POU6F2: variants seen among roughly 807,000 people sequenced by gnomAD.
The protein encoded by POU6F2 is POU domain, class 6, transcription factor 2.
Under a neutral mutation model 71.3 loss-of-function variants are expected in POU6F2, and 31 were observed. That is an observed-to-expected ratio of 0.43 (90% confidence interval 0.33 to 0.59). The LOEUF is 0.59. Among genes scored for constraint, POU6F2 ranks in the 20% least tolerant of loss-of-function variants. The pLI is 0.04. For missense variants in POU6F2, 783 were observed against 856.8 expected (o/e 0.91, Z 1.07); for synonymous variants, 347 against 355.7 (o/e 0.98, Z 0.27).
chr7:39,060,942 T>A (rs1324829183), intron 1 of POU6F2, among the ~76,000 whole-genome samples: 3 of 149,506 alleles, frequency 2.0e-5, no homozygotes, highest in Non-Finnish European at 4.4e-5. Flanking sequence ...ATAGACACCA[T>A]CACTAAGCTT....
intron 4 of POU6F2, among the ~76,000 whole-genome samples, chr7:39,278,689 C>T (rs1784505917): frequency 6.6e-6 from 1 of 152,130 alleles, no homozygotes; most frequent in African/African-American, 2.4e-5. Context: ...TCAAGAAAGC[C>T]CCTGTAGCCA....
At chr7:39,129,974 GGA>G (rs369321402) in intron 2 of POU6F2, among the ~76,000 whole-genome samples, 3 of 151,216 alleles carry the variant, frequency 2.0e-5, no homozygotes, top group African/African-American at 7.3e-5. Flanking sequence ...GGCTGAGGCA[GGA>G]GAATGGCATG....
chr7:39,439,074 C>T (rs1475714573), intron 7 of POU6F2, among the ~76,000 whole-genome samples: 1 of 152,148 alleles, frequency 6.6e-6, no homozygotes, highest in East Asian at 1.9e-4. Flanking sequence ...GAATAGTTAG[C>T]TCTTCTTGTT....
intron 7 of POU6F2, among the ~76,000 whole-genome samples, chr7:39,441,173 G>A (rs1431983705): frequency 1.3e-5 from 2 of 151,950 alleles, no homozygotes; most frequent in African/African-American, 2.4e-5. Context: ...CACTCAGTTG[G>A]GTGGCATGGG....
intron 4 of POU6F2, among the ~76,000 whole-genome samples, chr7:39,326,554 A>G (rs139382624): frequency 2.5e-4 from 38 of 152,368 alleles, no homozygotes; most frequent in African/African-American, 8.9e-4. Context: ...TGTAGAATCT[A>G]TCCACCAGAA....
intron 4 of POU6F2, among the ~76,000 whole-genome samples, chr7:39,275,703 C>A (rs1222200525): frequency 6.6e-6 from 1 of 152,048 alleles, no homozygotes; most frequent in African/African-American, 2.4e-5. Context: ...CCAAAACAGA[C>A]ATATAGATCA....
chr7:39,267,310 C>G (rs1784265726), intron 4 of POU6F2, among the ~76,000 whole-genome samples: 1 of 152,152 alleles, frequency 6.6e-6, no homozygotes, highest in African/African-American at 2.4e-5. Flanking sequence ...ATACAAGTGT[C>G]ATTTTCTGTA....
At chr7:39,461,140 A>T (rs1214813548) in intron 9 of POU6F2, among the ~76,000 whole-genome samples, 2 of 152,168 alleles carry the variant, frequency 1.3e-5, no homozygotes, top group African/African-American at 4.8e-5. Context: ...TTCCAAGAAA[A>T]CACACATTTT....
intron 2 of POU6F2, among the ~76,000 whole-genome samples, chr7:39,139,635 T>C (rs1320528789): frequency 6.6e-6 from 1 of 152,204 alleles, no homozygotes; most frequent in Non-Finnish European, 1.5e-5. Flanking sequence ...TCTCAAGTGA[T>C]GTCTATTTCA....
chr7:39,063,708 G>A (rs1479591758), intron 1 of POU6F2, among the ~76,000 whole-genome samples: 2 of 152,012 alleles, frequency 1.3e-5, no homozygotes, highest in Non-Finnish European at 2.9e-5. Flanking sequence ...ACCCACCCTA[G>A]AGATATCTTG....
In POU6F2 at chr7:39,317,611, C is replaced by A. The variant is rs189351570; in HGVS notation, c.599-22031C>A. Among the ~76,000 whole-genome samples the A allele has an allele frequency of 9.9e-5, 15 of 152,192 alleles. No homozygotes were observed. The East Asian group carries it at 2.5e-3, about 25-fold the overall frequency. ...TTATTTAAAAAGAAGTTTTTGGAGGCCTTTCTAATTATATTCCTCATTGAA... is the reference window on the plus strand; with the variant it reads ...TTATTTAAAAAGAAGTTTTTGGAGGACTTTCTAATTATATTCCTCATTGAA... On this transcript the variant is annotated intron_variant, in intron 4 of 9. Coordinates refer to ENST00000518318, the MANE Select transcript of POU6F2 (RefSeq NM_001370959.1).
At chr7:39,266,243 C>G (rs921029416) in intron 4 of POU6F2, among the ~76,000 whole-genome samples, 1 of 152,146 alleles carries the variant, frequency 6.6e-6, no homozygotes, top group Admixed American at 6.5e-5. Flanking sequence ...AAAAAGATAA[C>G]TTTATTGGAG....
chr7:39,286,001 A>C (rs535164113), intron 4 of POU6F2, among the ~76,000 whole-genome samples: 2 of 152,248 alleles, frequency 1.3e-5, no homozygotes, highest in Non-Finnish European at 2.9e-5. Context: ...ATTAGTGAGC[A>C]AAAGGGTGAA....
intron 2 of POU6F2, among the ~76,000 whole-genome samples, chr7:39,175,453 C>A (rs963650421): frequency 7.2e-5 from 11 of 152,074 alleles, no homozygotes; most frequent in African/African-American, 2.4e-4. Flanking sequence ...AGATACTGTT[C>A]CAGGAAAATC....
intron 5 of POU6F2, among the ~76,000 whole-genome samples, chr7:39,388,717 AAG>A (rs1331302181): frequency 1.3e-5 from 2 of 152,312 alleles, no homozygotes; most frequent in African/African-American, 2.4e-5. Context: ...AAAAATCAAA[AAG>A]AGAGAGAAAA....
intron 2 of POU6F2, among the ~76,000 whole-genome samples, chr7:39,123,280 C>T (rs1305990792): frequency 6.6e-6 from 1 of 152,186 alleles, no homozygotes; most frequent in African/African-American, 2.4e-5. Context: ...TCTTATGTTC[C>T]TATGGCAGTG....
chr7:39,411,226 T>A (rs1787541787), intron 6 of POU6F2, among the ~76,000 whole-genome samples: 1 of 152,078 alleles, frequency 6.6e-6, no homozygotes, highest in African/African-American at 2.4e-5. Flanking sequence ...AAAATGTGAG[T>A]GTATATATGT....
intron 4 of POU6F2, among the ~76,000 whole-genome samples, chr7:39,337,462 C>G (rs938711729): frequency 1.3e-5 from 2 of 152,144 alleles, no homozygotes; most frequent in African/African-American, 4.8e-5. Flanking sequence ...ACCTTCCCTG[C>G]TTAGGGTCAG....
rs150518050 is a variant in POU6F2 at position 39,428,257 on chromosome 7, A to G, written c.1114-4820A>G. The stretch of plus-strand genomic sequence containing the variant: ...TAGTTGCTCTTATAATATGAACTTT[A>G]TTCCTCTTTTGTGACTTATGCTCTT... On this transcript the variant is annotated intron_variant, in intron 6 of 9. Transcript: ENST00000518318. Among the ~76,000 whole-genome samples the G allele has an allele frequency of 1.4e-3, 211 of 152,346 alleles. 1 individual carries two copies. Among genetic ancestry groups the G allele is most frequent in the African/African-American group, 5.0e-3 (208 of 41,572 alleles).
Sources: allele counts gnomAD v4.1 joint callset (sites outside exome capture counted in the v4.1 genomes callset), GRCh38; gene constraint gnomAD v4.1.1; transcripts MANE v1.5; gene names NCBI Gene and HGNC (gene_info 2026-07-23, HGNC 2026-07-21).